Variants in VNN2 observed in about 807,000 individuals in gnomAD.
The protein encoded by VNN2 is vanin 2.
Under a neutral mutation model 43.0 loss-of-function variants are expected in VNN2, and 43 were observed. That is an observed-to-expected ratio of 1.00 (90% CI 0.78 to 1.29). VNN2 has a LOEUF of 1.29. Among genes scored for constraint, VNN2 ranks in the 50% most tolerant of loss-of-function variants. The pLI is 0.00. For missense variants in VNN2, 652 were observed against 619.7 expected (o/e 1.05, Z -0.55); for synonymous variants, 230 against 224.3 (o/e 1.03, Z -0.23).
At chr6:132,753,714 G>T in intron 3 of VNN2, 2 of 215,846 alleles carry the variant, frequency 9.3e-6, no homozygotes, top group South Asian at 5.5e-5. Context: ...CACTTTGGGA[G>T]GCCAAGGCAG....
chr6:132,762,483 A>G (rs1372364901), upstream of VNN2, among the ~76,000 whole-genome samples: 1 of 152,234 alleles, frequency 6.6e-6, no homozygotes, highest in South Asian at 2.1e-4. Flanking sequence ...CAAAAAAAGT[A>G]CTTAATGGCA....
intron 6 of VNN2, among the ~76,000 whole-genome samples, chr6:132,746,793 G>T (rs1779742898): frequency 6.6e-6 from 1 of 152,094 alleles, no homozygotes. Context: ...CCCAGCTAAG[G>T]GAACCTATTT....
intron 3 of VNN2, among the ~76,000 whole-genome samples, chr6:132,755,117 G>A (rs1002494286): frequency 3.9e-5 from 6 of 152,188 alleles, no homozygotes; most frequent in African/African-American, 1.2e-4. Context: ...TTAACAGTGA[G>A]CCATGATGGC....
chr6:132,759,303 G>T (rs937230363), upstream of VNN2, among the ~76,000 whole-genome samples: 2 of 151,236 alleles, frequency 1.3e-5, no homozygotes, highest in East Asian at 2.0e-4. Context: ...GCTGGTCGTG[G>T]TGGTGGGCGC....
At chr6:132,747,430 A>G (rs1243682790) in intron 6 of VNN2, among the ~76,000 whole-genome samples, 1 of 152,110 alleles carries the variant, frequency 6.6e-6, no homozygotes, top group Non-Finnish European at 1.5e-5. Flanking sequence ...CAGCCTGGCC[A>G]ATATGGTGAA....
At chr6:132,747,826 C>T (rs1361678477) in intron 6 of VNN2, among the ~76,000 whole-genome samples, 1 of 152,196 alleles carries the variant, frequency 6.6e-6, no homozygotes, top group Non-Finnish European at 1.5e-5. Context: ...TCTTCATGCA[C>T]TATCACCATC....
At chr6:132,751,690 A>G (rs1045847987) in intron 4 of VNN2, among the ~76,000 whole-genome samples, 172 bp from the exon 5 acceptor site, 8 of 152,210 alleles carry the variant, frequency 5.3e-5, no homozygotes, top group African/African-American at 1.9e-4. Context: ...TCTCTAATGG[A>G]AGAGATTAAA....
chr6:132,759,438 C>CAAAAAAAAAAAAAAAAAAAAAAAA (rs58195059), upstream of VNN2, among the ~76,000 whole-genome samples: 1 of 69,174 alleles, frequency 1.4e-5, no homozygotes. Context: ...AACTCCGTCT[C>CAAAAAAAAAAAAAAAAAAAAAAAA]AAAAAAAAAA....
intron 3 of VNN2, chr6:132,753,597 G>T (rs1780268559): frequency 2.8e-6 from 1 of 358,812 alleles, no homozygotes; most frequent in African/African-American, 2.2e-5. Flanking sequence ...TTAATAAAAT[G>T]GTCTGCAGTG....
chr6:132,762,017 G>T (rs1393614519), upstream of VNN2, among the ~76,000 whole-genome samples: 1 of 152,144 alleles, frequency 6.6e-6, no homozygotes, highest in Non-Finnish European at 1.5e-5. Flanking sequence ...TTATTTCATT[G>T]TTAGGCCCAC....
At position 132,750,511 on chromosome 6, in the gene VNN2, A is replaced by T. The variant is rs1279823299; in HGVS notation, c.1200+634T>A. On this transcript the variant is annotated intron_variant, in intron 5 of 6. Transcript: ENST00000326499. ...TTTGTATATGTGTATATATATATAT[A>T]TATTTTTCCAGGTGTGGTGGCACAT... Among the ~76,000 whole-genome samples, 2 of 71,620 alleles carry T rather than the reference A, an allele frequency of 2.8e-5. 1 individual carries two copies. The highest frequency in any genetic ancestry group is 6.0e-5 in the Non-Finnish European group (2 of 33,504). The allele number at this position is 71,620 out of a possible 152,430, so 47.0% of individuals were successfully genotyped here.
chr6:132,763,193 G>A (rs939688534), intron 1 of VNN2, among the ~76,000 whole-genome samples: 2 of 151,724 alleles, frequency 1.3e-5, no homozygotes, highest in Admixed American at 1.3e-4. Context: ...GTTTGAAAGG[G>A]TATGGTAAGA....
intron 5 of VNN2, 150 bp downstream of exon 5, chr6:132,750,995 C>CGTGTGTGTGT: frequency 1.2e-6 from 1 of 852,782 alleles, no homozygotes; most frequent in African/African-American, 1.7e-5. Flanking sequence ...CATAAATGCA[C>CGTGTGTGTGT]GTGTGTGTGT....
intron 5 of VNN2, among the ~76,000 whole-genome samples, 163 bp from the exon 6 acceptor site, chr6:132,750,028 A>G (rs1169883419): frequency 6.6e-6 from 1 of 152,222 alleles, no homozygotes; most frequent in Admixed American, 6.5e-5. Flanking sequence ...AAAAATGGCC[A>G]GTGACTTGAG....
chr6:132,758,000 T>TCTTCTTCTTCTTCTTCTTCTTCTTCTTC (rs1780594169), upstream of VNN2: 1 of 336,124 alleles, frequency 3.0e-6, no homozygotes, highest in African/African-American at 3.6e-5. Context: ...TATCATCATT[T>TCTTCTTCTTCTTCTTCTTCTTCTTCTTC]TTCTTCTTCT....
At chr6:132,754,408 G>C (rs35576345) in intron 3 of VNN2, among the ~76,000 whole-genome samples, 3,499 of 152,234 alleles carry the variant, frequency 0.023, 114 homozygotes, top group African/African-American at 0.077. Context: ...TACATATATT[G>C]AGGACTTATG....
intron 3 of VNN2, chr6:132,752,960 C>T (rs1780218707): frequency 5.9e-6 from 3 of 510,244 alleles, no homozygotes; most frequent in African/African-American, 2.0e-5. Context: ...TCTCCTCTCT[C>T]TCCCTTCTCT....
chr6:132,749,983 T>C (rs760681007), intron 5 of VNN2, 118 bp from the exon 6 acceptor site: 69 of 1,008,198 alleles, frequency 6.8e-5, no homozygotes, highest in Middle Eastern at 4.5e-4. Context: ...TGAAAAGGGA[T>C]TTGGATCATG....
intron 3 of VNN2, chr6:132,753,878 G>T (rs1780288688): frequency 6.6e-6 from 1 of 152,404 alleles, no homozygotes; most frequent in African/African-American, 2.4e-5. Context: ...GGTTGAACCT[G>T]GGAGTCAGAG....
Sources: allele counts gnomAD v4.1 joint callset (sites outside exome capture counted in the v4.1 genomes callset), GRCh38; gene constraint gnomAD v4.1.1; transcripts MANE v1.5; gene names NCBI Gene and HGNC (gene_info 2026-07-23, HGNC 2026-07-21).